TES: variants seen among roughly 807,000 people sequenced by gnomAD.
TES encodes testin.
A neutral mutation model predicts 48.2 loss-of-function variants in TES; 41 were observed. The ratio of observed to expected loss-of-function variants is 0.85; its 90% confidence interval spans 0.66 to 1.10. The LOEUF is 1.10. Ranked by LOEUF, TES falls within the 50% of genes least tolerant of loss-of-function variation. The pLI, the probability that TES is intolerant of heterozygous loss-of-function variation, is 0.00. For missense variants in TES, 463 were observed against 515.1 expected (o/e 0.90, Z 0.98); for synonymous variants, 162 against 174.9 (o/e 0.93, Z 0.58).
Position 116,250,447 on chromosome 7 carries a change from C to T in TES, c.653C>T (p.Ala218Val). The part of the protein sequence containing the change: ...IPGGDRSTPA[A>V]VGAMEDKSAE... The stretch of plus-strand genomic sequence containing the variant: ...GGAGGGGATAGAAGCACCCCAGCAG[C>T]AGTGGGGGCCATGGAGGACAAATCT... Residue 218 changes from alanine to valine, a missense_variant, in exon 4 of 7, where the codon GCA becomes GTA. Physicochemically the swap from Ala to Val is moderately conservative, Grantham distance 64. Transcript: ENST00000358204. 1 of 1,592,188 alleles carries T rather than the reference C, an allele frequency of 6.3e-7. No homozygotes were observed.
chr7:116,212,474 T>A (rs1489994374), intron 1 of TES, among the ~76,000 whole-genome samples: 1 of 152,184 alleles, frequency 6.6e-6, no homozygotes, highest in East Asian at 1.9e-4. Context: ...TTGTTGGTAG[T>A]CCGGGAGGCT....
chr7:116,230,430 A>G (rs1434719079), intron 1 of TES, among the ~76,000 whole-genome samples: 1 of 152,246 alleles, frequency 6.6e-6, no homozygotes, highest in Admixed American at 6.5e-5. Flanking sequence ...GAACCCTGGA[A>G]CAATACTTTC....
intron 2 of TES, among the ~76,000 whole-genome samples, chr7:116,237,222 G>T (rs1017630896): frequency 1.3e-5 from 2 of 152,066 alleles, no homozygotes; most frequent in Non-Finnish European, 2.9e-5. Context: ...CAGCTTCATG[G>T]TGATCCTTGA....
chr7:116,210,656 C>A lies in TES; in HGVS notation c.-52C>A. 1 of 1,300,664 alleles carries A rather than the reference C, an allele frequency of 7.7e-7. No individual in the cohort carries two copies. Among genetic ancestry groups the A allele is most frequent in the Non-Finnish European group, 9.9e-7 (1 of 1,013,428 alleles). 80.6% of individuals were successfully genotyped at this position (1,300,664 alleles called of 1,614,324 possible). A position where few individuals can be genotyped will look rare whatever the true frequency, so the allele number is the denominator to read the frequency against. On this transcript the variant is annotated 5_prime_UTR_variant, in exon 1 of 7. Transcript: ENST00000358204. ...AGCGGAGCCGGAGGCCAGCTGAACC[C>A]GGCCGTGGGATCCCGGATAGGAGGA... is the stretch of plus-strand genomic sequence containing the variant.
intron 2 of TES, among the ~76,000 whole-genome samples, chr7:116,236,907 G>T (rs915807019): frequency 6.6e-6 from 1 of 152,212 alleles, no homozygotes; most frequent in South Asian, 2.1e-4. Flanking sequence ...CATTCAGCTG[G>T]GGTTGATAAC....
intron 1 of TES, among the ~76,000 whole-genome samples, chr7:116,229,147 G>A (rs569794843): frequency 6.6e-6 from 1 of 151,192 alleles, no homozygotes; most frequent in East Asian, 2.0e-4. Context: ...CAGCTAGTTC[G>A]CCTTAGCTGA....
chr7:116,242,091 T>A (rs902635486), intron 2 of TES, among the ~76,000 whole-genome samples: 2 of 152,128 alleles, frequency 1.3e-5, no homozygotes, highest in African/African-American at 4.8e-5. Context: ...TGTAAAAATT[T>A]CCAAAGTCCA....
intron 1 of TES, among the ~76,000 whole-genome samples, chr7:116,230,307 GTGTT>G (rs889229564): frequency 6.6e-6 from 1 of 152,184 alleles, no homozygotes; most frequent in East Asian, 1.9e-4. Context: ...GAAAATGAAA[GTGTT>G]TGTGTTTGGA....
At chr7:116,252,241 C>A (rs17138466) in intron 5 of TES, 77 bp from the exon 6 acceptor site, 233,018 of 1,443,882 alleles carry the variant, frequency 0.16, 21,056 homozygotes, top group East Asian at 0.41. Flanking sequence ...AAACTTTAGA[C>A]CCTGAGAAAG....
At chr7:116,234,691 AT>A in intron 2 of TES, 72 bp downstream of exon 2, 2 of 1,228,634 alleles carry the variant, frequency 1.6e-6, no homozygotes, top group Non-Finnish European at 2.4e-6. Flanking sequence ...CAGTGGAGAT[AT>A]CTTCGAGTTC....
At chr7:116,224,130 G>A (rs1233942048) in intron 1 of TES, among the ~76,000 whole-genome samples, 1 of 152,190 alleles carries the variant, frequency 6.6e-6, no homozygotes, top group Non-Finnish European at 1.5e-5. Context: ...ACCCATGTGG[G>A]CAGGCCCATG....
chr7:116,224,667 C>T (rs574926962), intron 1 of TES, among the ~76,000 whole-genome samples: 6 of 152,006 alleles, frequency 3.9e-5, no homozygotes, highest in Non-Finnish European at 5.9e-5. Flanking sequence ...TTTATCACCT[C>T]GGGGACTTCC....
At position 116,249,225 on chromosome 7, in the gene TES, A is replaced by G. The variant is rs1357244890; in HGVS notation, c.319A>G (p.Asn107Asp). The G allele has an allele frequency of 4.3e-6, 7 of 1,614,128 alleles. No homozygotes were observed. Among genetic ancestry groups the G allele is most frequent in the Non-Finnish European group, 5.9e-6 (7 of 1,179,988 alleles). ...PVAAKKNVSI[N>D]TVTYEWAPPV... ...TGCTGCCAAGAAGAATGTCTCCATCAATACAGTTACCTATGAGTGGGCTCC... is the reference window on the plus strand; with the variant it reads ...TGCTGCCAAGAAGAATGTCTCCATCGATACAGTTACCTATGAGTGGGCTCC... Residue 107 changes from asparagine to aspartate, a missense_variant, in exon 3 of 7, where the codon AAT (asparagine) becomes GAT (aspartate). Asn to Asp is a conservative substitution (Grantham distance 23, BLOSUM62 1). Transcript: ENST00000358204.
intron 3 of TES, 82 bp downstream of exon 3, chr7:116,249,354 A>G: frequency 1.3e-6 from 2 of 1,482,300 alleles, no homozygotes; most frequent in Non-Finnish European, 1.9e-6. Context: ...GACCTAATCA[A>G]CTTCACACAT....
rs201126871 is a variant in TES, at chr7:116,252,458, T to C, written c.1059T>C (p.Tyr353=). Residue 353 remains tyrosine, a synonymous_variant, in exon 6 of 7, where the codon TAT becomes TAC. Coordinates refer to ENST00000358204, the MANE Select transcript of TES (RefSeq NM_015641.4). ...ACAAGCCCGTGTGCAAGCCCTGCTA[T>C]GTGAAGAATCACGCTGTGGTGAGAA... The part of the protein sequence containing the change: ...VNDKPVCKPC[Y]VKNHAVVCQG... 1.9e-6 allele frequency: 3 copies of C among 1,614,246 alleles called. No homozygotes were observed. The South Asian group carries it at 3.3e-5, about 18-fold the overall frequency.
intron 4 of TES, chr7:116,251,462 C>G (rs568198618): frequency 3.4e-6 from 1 of 292,922 alleles, no homozygotes; most frequent in Non-Finnish European, 6.7e-6. Context: ...GCGGGTGAAT[C>G]ACGAGGTCAG....
In TES at chr7:116,252,487, T is replaced by G; in HGVS notation, c.1077+11T>G. 6.2e-7 allele frequency: 1 copy of G among 1,614,186 alleles called. No individual in the cohort carries two copies. Among genetic ancestry groups the G allele is most frequent in the Non-Finnish European group, 8.5e-7 (1 of 1,180,028 alleles). ...AAGAATCACGCTGTGGTGAGAAGTG[T>G]TCTAAGGATATGGTTGCCTCAGCCT... On this transcript the variant is annotated intron_variant, in intron 6 of 6. Coordinates refer to ENST00000358204, the MANE Select transcript of TES (RefSeq NM_015641.4).
chr7:116,217,933 A>G (rs552968120), intron 1 of TES: 2 of 507,984 alleles, frequency 3.9e-6, no homozygotes, highest in South Asian at 2.8e-5. Flanking sequence ...ATGCATGACT[A>G]TAATTTTCTA....
At chr7:116,257,048 G>A (rs1057226704) in intron 6 of TES, among the ~76,000 whole-genome samples, 18 of 152,176 alleles carry the variant, frequency 1.2e-4, no homozygotes, top group African/African-American at 3.9e-4. Context: ...TGAATGCCAT[G>A]AAGTTATCTT....
Sources: allele counts gnomAD v4.1 joint callset (sites outside exome capture counted in the v4.1 genomes callset), GRCh38; gene constraint gnomAD v4.1.1; transcripts MANE v1.5; gene names NCBI Gene and HGNC (gene_info 2026-07-23, HGNC 2026-07-21).